The following NRXN3 variants were observed in gnomAD, a reference collection of about 807,000 sequenced individuals.
The protein encoded by NRXN3 is neurexin III.
A neutral mutation model predicts 137.6 loss-of-function variants in NRXN3; 32 were observed. The observed-to-expected ratio is 0.23, with a 90% CI of 0.18 to 0.31. NRXN3 has a LOEUF of 0.31. NRXN3 is among the 10% of genes least tolerant of loss of function. NRXN3 has a pLI of 1.00. For synonymous variants in NRXN3, 798 were observed against 784.5 expected (o/e 1.02, Z -0.29); for missense variants, 1,574 against 2,062.5 (o/e 0.76, Z 4.59).
At chr14:78,257,471 C>T (rs1248170539) in intron 2 of NRXN3, among the ~76,000 whole-genome samples, 1 of 152,178 alleles carries the variant, frequency 6.6e-6, no homozygotes, top group Non-Finnish European at 1.5e-5. Context: ...GAGCATGTTA[C>T]CATACCTGGG....
chr14:78,742,388 A>AATG (rs1489560265), intron 8 of NRXN3, among the ~76,000 whole-genome samples: 1 of 152,326 alleles, frequency 6.6e-6, no homozygotes, highest in East Asian at 1.9e-4. Context: ...AAATAATAAT[A>AATG]ATGAGGAAAT....
chr14:78,424,091 G>T (rs1052476596), intron 4 of NRXN3, among the ~76,000 whole-genome samples: 1 of 152,152 alleles, frequency 6.6e-6, no homozygotes, highest in South Asian at 2.1e-4. Context: ...CTACCTTGGC[G>T]GGTGCAGGGG....
chr14:79,457,106 C>T (rs1422990758), intron 15 of NRXN3, among the ~76,000 whole-genome samples: 1 of 150,902 alleles, frequency 6.6e-6, no homozygotes, highest in East Asian at 2.0e-4. Flanking sequence ...TAATTGATTA[C>T]ACCTTAGTCC....
chr14:78,591,202 A>G (rs1184475557), intron 4 of NRXN3, among the ~76,000 whole-genome samples: 1 of 152,186 alleles, frequency 6.6e-6, no homozygotes, highest in Non-Finnish European at 1.5e-5. Context: ...TGCCATGGTT[A>G]GCAGAGATTT....
chr14:78,963,859 G>A (rs1165697780), intron 11 of NRXN3, among the ~76,000 whole-genome samples: 1 of 151,956 alleles, frequency 6.6e-6, no homozygotes, highest in East Asian at 1.9e-4. Context: ...TCAAACTCCT[G>A]GGCTCCAGTG....
At chr14:79,660,746 A>G (rs2098529308) in intron 16 of NRXN3, among the ~76,000 whole-genome samples, 1 of 152,270 alleles carries the variant, frequency 6.6e-6, no homozygotes, top group East Asian at 1.9e-4. Context: ...GGTGAATTGA[A>G]TCACCAGCTG....
At chr14:78,882,211 T>A (rs773348636) in intron 10 of NRXN3, among the ~76,000 whole-genome samples, 2 of 151,738 alleles carry the variant, frequency 1.3e-5, no homozygotes, top group Non-Finnish European at 2.9e-5. Context: ...ATGGAGAAGC[T>A]CTACTAGGGC....
intron 15 of NRXN3, among the ~76,000 whole-genome samples, chr14:79,404,233 A>T (rs1200077829): frequency 1.3e-5 from 2 of 152,232 alleles, no homozygotes; most frequent in Non-Finnish European, 2.9e-5. Flanking sequence ...CCCAGCCTCT[A>T]TAAGGAACTT....
chr14:78,875,845 A>C (rs751863574), intron 10 of NRXN3, among the ~76,000 whole-genome samples: 8 of 152,208 alleles, frequency 5.3e-5, no homozygotes, highest in Non-Finnish European at 5.9e-5. Flanking sequence ...CAAAGGAATA[A>C]ATACACAAAA....
chr14:78,216,205 T>C (rs2063264765), intron 1 of NRXN3, among the ~76,000 whole-genome samples: 1 of 152,168 alleles, frequency 6.6e-6, no homozygotes, highest in Non-Finnish European at 1.5e-5. Context: ...TTTTTTTTCT[T>C]CCTAAAGGTA....
At chr14:79,806,841 T>A (rs1223036548) in intron 20 of NRXN3, among the ~76,000 whole-genome samples, 1 of 149,424 alleles carries the variant, frequency 6.7e-6, no homozygotes, top group African/African-American at 2.4e-5. Flanking sequence ...ATGTGCTAGA[T>A]ATTAAGGGTT....
intron 8 of NRXN3, among the ~76,000 whole-genome samples, chr14:78,723,777 G>A (rs2098470727): frequency 9.4e-6 from 1 of 105,918 alleles, no homozygotes. Context: ...AAATGATCTG[G>A]CTGGTGTTTT....
intron 15 of NRXN3, among the ~76,000 whole-genome samples, chr14:79,171,371 A>G (rs1362627433): frequency 1.3e-5 from 2 of 152,172 alleles, no homozygotes; most frequent in African/African-American, 4.8e-5. Context: ...GTGTTATAAG[A>G]GTACGTGTAT....
At chr14:79,573,894 G>A (rs964173050) in intron 16 of NRXN3, among the ~76,000 whole-genome samples, 1 of 151,742 alleles carries the variant, frequency 6.6e-6, no homozygotes, top group African/African-American at 2.4e-5. Context: ...TTTTTATTGT[G>A]ATAACAAGAT....
intron 4 of NRXN3, among the ~76,000 whole-genome samples, chr14:78,362,487 T>C (rs577279977): frequency 2.6e-5 from 4 of 152,214 alleles, no homozygotes; most frequent in Non-Finnish European, 5.9e-5. Flanking sequence ...AGGAGTTACA[T>C]CATCTTTTTC....
At chr14:79,387,669 G>A (rs2094680946) in intron 15 of NRXN3, among the ~76,000 whole-genome samples, 1 of 151,380 alleles carries the variant, frequency 6.6e-6, no homozygotes, top group Admixed American at 6.6e-5. Flanking sequence ...TTTTATTGCA[G>A]CACTATTCAC....
At chr14:78,508,954 A>T (rs1433959224) in intron 4 of NRXN3, among the ~76,000 whole-genome samples, 1 of 152,216 alleles carries the variant, frequency 6.6e-6, no homozygotes, top group East Asian at 1.9e-4. Flanking sequence ...TAATGTAGAG[A>T]ATATTACTCT....
At chr14:79,574,307 G>T (rs1387725387) in intron 16 of NRXN3, among the ~76,000 whole-genome samples, 13 of 151,992 alleles carry the variant, frequency 8.6e-5, no homozygotes, top group Non-Finnish European at 1.6e-4. Flanking sequence ...TAAAGGTTAA[G>T]AGTGTAAATT....
intron 15 of NRXN3, among the ~76,000 whole-genome samples, chr14:79,451,630 A>G (rs2096174488): frequency 6.6e-6 from 1 of 152,102 alleles, no homozygotes; most frequent in Non-Finnish European, 1.5e-5. Flanking sequence ...AGGCAGGTAG[A>G]CCTTTTGAGC....
Sources: allele counts gnomAD v4.1 joint callset (sites outside exome capture counted in the v4.1 genomes callset), GRCh38; gene constraint gnomAD v4.1.1; transcripts MANE v1.5; gene names NCBI Gene and HGNC (gene_info 2026-07-23, HGNC 2026-07-21).